RGS6: variants seen among roughly 807,000 people sequenced by gnomAD.
RGS6 encodes the protein regulator of G protein signaling 6, also known as regulator of G-protein signaling 6.
A neutral mutation model predicts 78.5 loss-of-function variants in RGS6; 30 were observed. That is an observed-to-expected ratio of 0.38 (90% CI 0.29 to 0.52). The LOEUF is 0.52. Among genes scored for constraint, RGS6 ranks in the 20% least tolerant of loss-of-function variants. The probability of loss-of-function intolerance (pLI) is 0.85; values close to 1 mark genes in which losing one functional copy is unlikely to be tolerated. For missense variants in RGS6, 495 were observed against 609.7 expected, an observed-to-expected ratio of 0.81 and a Z score of 1.98; for synonymous variants, 206 against 206.0, an observed-to-expected ratio of 1.00 and a Z score of 0.00.
At chr14:72,298,486 C>T (rs185125939) in intron 2 of RGS6, among the ~76,000 whole-genome samples, 94 of 140,234 alleles carry the variant, frequency 6.7e-4, no homozygotes, top group African/African-American at 2.3e-3. Context: ...CTCGCTCTGT[C>T]GCCCAGGCTG....
intron 17 of RGS6, chr14:72,550,514 A>G: frequency 1.3e-6 from 2 of 1,535,692 alleles, no homozygotes; most frequent in Non-Finnish European, 1.7e-6. Context: ...AGCACATTAC[A>G]CTGGGAAATG....
At chr14:71,967,096 G>A (rs1239583838) in intron 2 of RGS6, among the ~76,000 whole-genome samples, 1 of 151,702 alleles carries the variant, frequency 6.6e-6, no homozygotes, top group Admixed American at 6.6e-5. Context: ...GTTTAATTTA[G>A]TAACTAACAT....
intron 2 of RGS6, among the ~76,000 whole-genome samples, chr14:72,024,314 A>G (rs2089380322): frequency 1.3e-5 from 2 of 152,174 alleles, no homozygotes; most frequent in African/African-American, 4.8e-5. Context: ...CTAACGTTGA[A>G]TGTGCACACA....
At chr14:72,359,052 C>G (rs756772670) in intron 3 of RGS6, among the ~76,000 whole-genome samples, 3 of 152,182 alleles carry the variant, frequency 2.0e-5, no homozygotes, top group African/African-American at 4.8e-5. Context: ...CCTCACTCTT[C>G]ACATCTCCTT....
the RGS6 span, among the ~76,000 whole-genome samples, chr14:71,920,635 G>GCACACACACACACA: frequency 2.4e-4 from 36 of 151,828 alleles, no homozygotes; most frequent in African/African-American, 8.0e-4. Context: ...ACACGCGCGT[G>GCACACACACACACA]CACACACACA....
intron 12 of RGS6, among the ~76,000 whole-genome samples, chr14:72,481,754 CAT>C (rs936174612): frequency 1.7e-4 from 26 of 151,820 alleles, no homozygotes; most frequent in African/African-American, 2.7e-4. Flanking sequence ...CACACACACA[CAT>C]GAGTGTCTCA....
chr14:72,440,594 G>C (rs2095154844), intron 3 of RGS6, among the ~76,000 whole-genome samples: 6 of 151,820 alleles, frequency 4.0e-5, no homozygotes, highest in Admixed American at 3.9e-4. Context: ...TGTATTTTTA[G>C]TATAGACGGG....
intron 2 of RGS6, among the ~76,000 whole-genome samples, chr14:72,319,511 C>G (rs1169862398): frequency 6.6e-6 from 1 of 152,026 alleles, no homozygotes; most frequent in East Asian, 1.9e-4. Flanking sequence ...ACCACCATGC[C>G]CGGCTAATTT....
intron 7 of RGS6, among the ~76,000 whole-genome samples, chr14:72,468,937 G>A (rs182418558): frequency 1.1e-4 from 17 of 152,222 alleles, no homozygotes; most frequent in African/African-American, 3.4e-4. Context: ...ATCCATTAAT[G>A]AGGGTAATCA....
rs1227086250 is a variant in RGS6 at position 72,537,693 on chromosome 14, C to T, written c.1368+1418C>T. 6.5e-6 allele frequency: 4 copies of T among 619,814 alleles called. No homozygotes were observed. The East Asian group carries it at 1.1e-4, about 17-fold the overall frequency. 38.4% of individuals were successfully genotyped at this position (619,814 alleles called of 1,614,324 possible). A position where few individuals can be genotyped will look rare whatever the true frequency, so the allele number is the denominator to read the frequency against. On this transcript the variant is annotated intron_variant, in intron 16 of 17. Coordinates refer to ENST00000553525, the MANE Select transcript of RGS6 (RefSeq NM_001204424.2). Reference sequence around the variant, plus strand: ...TTATAGGAACTTTTGATAACTCCAGCCCAGATCTCATGGATGAAGGTCAAA... The same window carrying T: ...TTATAGGAACTTTTGATAACTCCAGTCCAGATCTCATGGATGAAGGTCAAA...
At chr14:72,299,178 C>T (rs1346555826) in intron 2 of RGS6, among the ~76,000 whole-genome samples, 1 of 152,090 alleles carries the variant, frequency 6.6e-6, no homozygotes, top group East Asian at 1.9e-4. Flanking sequence ...TTGATGTATA[C>T]AATCCAGTGT....
chr14:72,465,739 AT>A lies in RGS6; in HGVS notation c.395-16del, dbSNP rs761491688. 7 of 1,603,162 alleles carry A rather than the reference AT, an allele frequency of 4.4e-6. No individual in the cohort carries two copies. In the Admixed American group the frequency reaches 1.2e-4, roughly 27 times the overall value. ...TGCTGCTGGTTTTGTACATGTTGTC[AT>A]TTCCTTTCTTCCCTCAGCCATCTAT... On this transcript the variant is annotated intron_variant, in intron 6 of 17. Transcript: ENST00000553525.
At chr14:72,134,268 C>A (rs2096391085) in intron 2 of RGS6, among the ~76,000 whole-genome samples, 1 of 152,180 alleles carries the variant, frequency 6.6e-6, no homozygotes, top group South Asian at 2.1e-4. Context: ...TATATACACA[C>A]CCCACATTCA....
intron 2 of RGS6, among the ~76,000 whole-genome samples, chr14:72,342,725 CAA>C (rs58717636): frequency 0.18 from 13,079 of 71,546 alleles, 426 homozygotes; most frequent in East Asian, 0.4. Flanking sequence ...GGCTTTGTCT[CAA>C]AAAAAAAAAA....
intron 17 of RGS6, among the ~76,000 whole-genome samples, chr14:72,548,749 C>T (rs1008279621): frequency 6.6e-6 from 1 of 152,162 alleles, no homozygotes; most frequent in African/African-American, 2.4e-5. Context: ...GAGCTCTTTG[C>T]ATTTGTCTTC....
the RGS6 span, among the ~76,000 whole-genome samples, chr14:71,883,891 A>C: frequency 1.1e-5 from 1 of 90,914 alleles, no homozygotes; most frequent in Non-Finnish European, 3.2e-5. Context: ...AATTGCCCCC[A>C]TCCTCCTTTC....
In RGS6 at chr14:72,251,687, A is replaced by G. The variant is rs146962354; in HGVS notation, c.85-100408A>G. Among the ~76,000 whole-genome samples, 258 of 152,302 alleles carry G rather than the reference A, an allele frequency of 1.7e-3. 3 individuals are homozygous for G. Among genetic ancestry groups the G allele is most frequent in the Admixed American group, 0.012 (191 of 15,298 alleles). Reference sequence around the variant, plus strand: ...ATATGTGGACATAAAGATGGGAACAATCGACACCAGGGACTACTAGAGGGG... The same window carrying G: ...ATATGTGGACATAAAGATGGGAACAGTCGACACCAGGGACTACTAGAGGGG... On this transcript the variant is annotated intron_variant, in intron 2 of 17. Coordinates refer to ENST00000553525, the MANE Select transcript of RGS6 (RefSeq NM_001204424.2).
At chr14:72,473,828 A>G (rs1366202463) in intron 9 of RGS6, 1 of 152,230 alleles carries the variant, frequency 6.6e-6, no homozygotes, top group African/African-American at 2.4e-5. Context: ...ATTCATTAAC[A>G]TTAAACTCAT....
At chr14:71,886,794 G>C in the RGS6 span, among the ~76,000 whole-genome samples, 9 of 152,324 alleles carry the variant, frequency 5.9e-5, no homozygotes, top group Admixed American at 5.9e-4. Flanking sequence ...ATATCAGTTA[G>C]AGATTGCTCT....
Sources: gnomAD v4.1 joint callset for allele counts (sites outside exome capture counted in the v4.1 genomes callset) on GRCh38, gnomAD v4.1.1 for gene constraint, MANE v1.5 for transcripts, NCBI Gene and HGNC (gene_info 2026-07-23, HGNC 2026-07-21) for gene names.